Variants in ADARB2 observed in about 807,000 individuals in gnomAD.
ADARB2 encodes the protein inactive double-stranded RNA-specific editase B2.
A neutral mutation model predicts 62.2 loss-of-function variants in ADARB2; 25 were observed. The ratio of observed to expected loss-of-function variants is 0.40; its 90% CI spans 0.29 to 0.56. ADARB2 has a LOEUF of 0.56. ADARB2 is among the 20% of genes least tolerant of loss of function. The probability of loss-of-function intolerance (pLI) is 0.43; values close to 1 mark genes in which losing one functional copy is unlikely to be tolerated. For missense variants in ADARB2, 1,071 were observed against 1,077.4 expected, an observed-to-expected ratio of 0.99 and a Z score of 0.08; for synonymous variants, 572 against 500.8, an observed-to-expected ratio of 1.14 and a Z score of -1.90.
At chr10:1,689,258 T>C (rs957850100) in intron 1 of ADARB2, among the ~76,000 whole-genome samples, 1 of 152,170 alleles carries the variant, frequency 6.6e-6, no homozygotes, top group East Asian at 1.9e-4. Context: ...AGGCATTTGA[T>C]GAGACGTTGA....
intron 1 of ADARB2, chr10:1,535,699 G>A (rs1648091746): frequency 1.8e-5 from 3 of 167,216 alleles, no homozygotes. Context: ...TCCCTTGAGG[G>A]GACTCTGTCG....
chr10:1,501,673 A>T (rs1428106190), intron 1 of ADARB2, among the ~76,000 whole-genome samples: 1 of 152,244 alleles, frequency 6.6e-6, no homozygotes, highest in Non-Finnish European at 1.5e-5. Context: ...ATTGCTCGCC[A>T]GTAGCCTGTT....
At chr10:1,342,602 G>A (rs980800050) in intron 3 of ADARB2, among the ~76,000 whole-genome samples, 1 of 152,098 alleles carries the variant, frequency 6.6e-6, no homozygotes, top group Non-Finnish European at 1.5e-5. Context: ...GGTGGGGGTG[G>A]AAAGTCTCAG....
In ADARB2 at chr10:1,737,345, T is replaced by C. The variant is rs991045344; in HGVS notation, c.-195A>G. 5.2e-6 allele frequency: 3 copies of C among 571,804 alleles called. No homozygotes were observed. Among genetic ancestry groups the C allele is most frequent in the Non-Finnish European group, 9.2e-6 (3 of 326,952 alleles). 35.4% of individuals were successfully genotyped at this position (571,804 alleles called of 1,614,324 possible). On this transcript the variant is annotated 5_prime_UTR_variant, in exon 1 of 10. Transcript: ENST00000381312. ...ATTGTTCTCTATGACTTGCTCCCAC[T>C]GGGCTGGGGGCCTCGGCTGGGCGCC...
chr10:1,402,385 T>C (rs1832672357), intron 1 of ADARB2, among the ~76,000 whole-genome samples: 1 of 151,952 alleles, frequency 6.6e-6, no homozygotes, highest in Non-Finnish European at 1.5e-5. Context: ...CTTTGCCTGG[T>C]GGGGTCGGGG....
At chr10:1,509,597 A>G (rs1372577936) in intron 1 of ADARB2, among the ~76,000 whole-genome samples, 1 of 152,202 alleles carries the variant, frequency 6.6e-6, no homozygotes, top group Non-Finnish European at 1.5e-5. Context: ...GATAGGCTTG[A>G]CTATTTGTCT....
intron 1 of ADARB2, among the ~76,000 whole-genome samples, chr10:1,708,243 T>C (rs899563530): frequency 5.3e-5 from 8 of 152,104 alleles, no homozygotes; most frequent in African/African-American, 1.9e-4. Flanking sequence ...GGGAGTTTTC[T>C]ATGTTGCAGG....
At chr10:1,529,910 A>G (rs1832202611) in intron 1 of ADARB2, among the ~76,000 whole-genome samples, 1 of 31,740 alleles carries the variant, frequency 3.2e-5, no homozygotes. Flanking sequence ...ACGGACACCC[A>G]TCCACTGAAC....
At chr10:1,510,096 T>TTTTCTTTCTCTCTTTCTTTCTTTC (rs1831906736) in intron 1 of ADARB2, among the ~76,000 whole-genome samples, 1 of 124,760 alleles carries the variant, frequency 8.0e-6, no homozygotes, top group East Asian at 2.4e-4. Context: ...TCTCTCTCTC[T>TTTTCTTTCTCTCTTTCTTTCTTTC]TTTCTTTCTT....
At chr10:1,683,531 G>C (rs1285970427) in intron 1 of ADARB2, among the ~76,000 whole-genome samples, 1 of 152,192 alleles carries the variant, frequency 6.6e-6, no homozygotes, top group Non-Finnish European at 1.5e-5. Flanking sequence ...GGGGTCCGAA[G>C]CAGGGAGTGG....
intron 1 of ADARB2, among the ~76,000 whole-genome samples, chr10:1,631,354 G>A (rs1308611313): frequency 2.0e-5 from 3 of 152,124 alleles, no homozygotes; most frequent in East Asian, 1.9e-4. Context: ...TTTAGCCAGC[G>A]GGGACCTGAC....
At chr10:1,257,220 C>T (rs914131980) in intron 4 of ADARB2, among the ~76,000 whole-genome samples, 1 of 152,132 alleles carries the variant, frequency 6.6e-6, no homozygotes, top group African/African-American at 2.4e-5. Flanking sequence ...GTTAGAGCAC[C>T]CATTCTTGGG....
chr10:1,606,874 G>A (rs150815491), intron 1 of ADARB2, among the ~76,000 whole-genome samples: 240 of 152,298 alleles, frequency 1.6e-3, no homozygotes, highest in African/African-American at 5.4e-3. Flanking sequence ...TTACCCCAGT[G>A]AAACGGCCTG....
intron 2 of ADARB2, among the ~76,000 whole-genome samples, chr10:1,371,928 A>G (rs1832376362): frequency 1.3e-5 from 2 of 152,152 alleles, no homozygotes; most frequent in African/African-American, 4.8e-5. Context: ...TAAGAATAGA[A>G]CCACCATTTG....
chr10:1,676,820 T>A (rs544282147), intron 1 of ADARB2, among the ~76,000 whole-genome samples: 2 of 151,782 alleles, frequency 1.3e-5, no homozygotes, highest in Non-Finnish European at 2.9e-5. Context: ...TTCAAGGAAG[T>A]GAAGTGATGG....
intron 3 of ADARB2, among the ~76,000 whole-genome samples, chr10:1,327,034 C>T (rs1439048414): frequency 1.8e-5 from 1 of 55,452 alleles, no homozygotes. Context: ...CAGCGCCTCC[C>T]CACTGCCCAG....
rs1830831663 is a variant in ADARB2 at position 1,233,724 on chromosome 10, G to A, written c.1483C>T (p.Leu495Phe). The change falls in exon 6 of 10, where the codon CTC (leucine) becomes TTC (phenylalanine). Residue 495 changes from leucine to phenylalanine, a missense_variant. By Grantham distance (22) the Leu-to-Phe change is conservative. Coordinates refer to ENST00000381312, the MANE Select transcript of ADARB2 (RefSeq NM_018702.4). ...VSTSPCGDAR[L>F]HSPYEITTDL... ...GTGGTGATCTCGTAGGGAGAGTGGA[G>A]TCTTGCGTCTCCACAGGGGGAGGTG... is the stretch of plus-strand genomic sequence containing the variant. 2.5e-6 allele frequency: 4 copies of A among 1,613,752 alleles called. No individual in the cohort carries two copies. The Admixed American group carries it at 6.7e-5, about 27-fold the overall frequency.
At chr10:1,446,114 A>C (rs995876663) in intron 1 of ADARB2, among the ~76,000 whole-genome samples, 2 of 152,218 alleles carry the variant, frequency 1.3e-5, no homozygotes, top group African/African-American at 4.8e-5. Context: ...TTGCGTTGTC[A>C]TGGACCAGGA....
intron 6 of ADARB2, among the ~76,000 whole-genome samples, chr10:1,224,967 T>C (rs1167811466): frequency 6.6e-6 from 1 of 152,204 alleles, no homozygotes; most frequent in African/African-American, 2.4e-5. Context: ...TTCCTGGGTA[T>C]CCTTGTTAAC....
Sources: gnomAD v4.1 joint callset for allele counts (sites outside exome capture counted in the v4.1 genomes callset) on GRCh38, gnomAD v4.1.1 for gene constraint, MANE v1.5 for transcripts, NCBI Gene and HGNC (gene_info 2026-07-23, HGNC 2026-07-21) for gene names.